The following UBAP2 variants were observed in gnomAD, a reference collection of about 807,000 sequenced individuals.
UBAP2 encodes the protein ubiquitin-associated protein 2.
A neutral mutation model predicts 139.6 loss-of-function variants in UBAP2; 75 were observed. The observed-to-expected ratio is 0.54, with a 90% CI of 0.45 to 0.65. The LOEUF (loss-of-function observed/expected upper bound fraction) is 0.65, where lower values mean the gene tolerates loss of function less well. UBAP2 is among the 30% of genes least tolerant of loss of function. The probability of loss-of-function intolerance (pLI) is 0.00; values close to 1 mark genes in which losing one functional copy is unlikely to be tolerated. For missense variants in UBAP2, 1,368 were observed against 1,369.6 expected (o/e 1.00, Z 0.02); for synonymous variants, 526 against 526.2 (o/e 1.00, Z 0.01).
rs1353156075 is a variant in UBAP2 at position 33,998,782 on chromosome 9, C to T, written c.177+5G>A. 3.7e-6 allele frequency: 6 copies of T among 1,609,692 alleles called. No homozygotes were observed. The highest frequency in any genetic ancestry group is 5.1e-6 in the Non-Finnish European group (6 of 1,178,268). On this transcript the variant is annotated splice_donor_5th_base_variant and intron_variant, in intron 3 of 28. Coordinates refer to ENST00000379238, the MANE Select transcript of UBAP2 (RefSeq NM_001370062.2). ...AAATGATGATATCCTTTGCCAGAAA[C>T]ATACCTGCTTAACTTTAGCTTCAAA...
intron 8 of UBAP2, among the ~76,000 whole-genome samples, chr9:33,969,589 G>A (rs934940468): frequency 1.3e-5 from 2 of 151,428 alleles, no homozygotes; most frequent in Non-Finnish European, 2.9e-5. Context: ...AAAGAAGGTG[G>A]GGCACGGTGG....
intron 26 of UBAP2, 63 bp from the exon 27 acceptor site, chr9:33,923,096 G>C (rs1227757900): frequency 6.2e-7 from 1 of 1,612,714 alleles, no homozygotes; most frequent in Non-Finnish European, 8.5e-7. Flanking sequence ...CCCACCTCCA[G>C]GATCACTCAG....
intron 2 of UBAP2, among the ~76,000 whole-genome samples, chr9:34,016,393 GT>G (rs1824345683): frequency 6.7e-6 from 1 of 148,692 alleles, no homozygotes; most frequent in Non-Finnish European, 1.5e-5. Flanking sequence ...GGTGGTGGTG[GT>G]GGTGGTGGTG....
chr9:34,000,743 T>C (rs1822628745), intron 2 of UBAP2, among the ~76,000 whole-genome samples: 1 of 152,102 alleles, frequency 6.6e-6, no homozygotes, highest in Non-Finnish European at 1.5e-5. Flanking sequence ...TAAGTGGGAG[T>C]TGTTGACATT....
chr9:34,015,249 A>G (rs772974095), intron 2 of UBAP2, among the ~76,000 whole-genome samples: 2 of 152,178 alleles, frequency 1.3e-5, no homozygotes, highest in African/African-American at 2.4e-5. Context: ...CACTTATCTC[A>G]CTTCACTTAA....
chr9:33,959,939 TTTTG>T (rs1380901111), intron 10 of UBAP2, among the ~76,000 whole-genome samples: 2 of 151,912 alleles, frequency 1.3e-5, no homozygotes, highest in East Asian at 3.9e-4. Flanking sequence ...ACCTGGTAAA[TTTTG>T]TTTGTTTGCT....
intron 2 of UBAP2, among the ~76,000 whole-genome samples, chr9:34,007,739 C>T (rs1350230701): frequency 6.6e-6 from 1 of 151,126 alleles, no homozygotes; most frequent in African/African-American, 2.4e-5. Flanking sequence ...CCCCGATTCA[C>T]GCCATTCTCC....
Position 34,035,514 on chromosome 9 carries a change from A to AAAAAAAAAAAATAT in UBAP2, c.-42+13310_-42+13311insATATTTTTTTTTTT. On this transcript the variant is annotated intron_variant, in intron 1 of 28. Coordinates refer to ENST00000379238, the MANE Select transcript of UBAP2 (RefSeq NM_001370062.2). ...GAGACTCCATCTAAAAAAAAAAAAA[A>AAAAAAAAAAAATAT]ATATATATATATAAAGATTAGCCAG... is the stretch of plus-strand genomic sequence containing the variant. Among the ~76,000 whole-genome samples, 7 of 22,490 alleles carry AAAAAAAAAAAATAT rather than the reference A, an allele frequency of 3.1e-4. 1 individual carries two copies. The highest frequency in any genetic ancestry group is 4.9e-4 in the Non-Finnish European group (5 of 10,250). 14.8% of individuals were successfully genotyped at this position (22,490 alleles called of 152,430 possible).
In UBAP2 at chr9:33,926,498, G is replaced by T. The variant is rs914604; in HGVS notation, c.2511+119C>A. On this transcript the variant is annotated intron_variant, in intron 22 of 28. Transcript: ENST00000379238. ...AAACAGCTTTCTCAGTAGTGGTGCT[G>T]AGAGGTTCCTCAGGCAGAGGATCCT... is the stretch of plus-strand genomic sequence containing the variant. 15,486 of 1,111,838 alleles carry T rather than the reference G, an allele frequency of 0.014. 1,458 individuals carry two copies. In the African/African-American group the frequency reaches 0.2, roughly 15 times the overall value. 68.9% of individuals were successfully genotyped at this position (1,111,838 alleles called of 1,614,324 possible).
At chr9:34,003,865 A>C (rs1258450459) in intron 2 of UBAP2, among the ~76,000 whole-genome samples, 1 of 152,048 alleles carries the variant, frequency 6.6e-6, no homozygotes, top group African/African-American at 2.4e-5. Context: ...GATTACAGGC[A>C]CATGCCACAA....
chr9:33,951,990 T>C (rs1480180424), intron 12 of UBAP2, among the ~76,000 whole-genome samples: 2 of 152,118 alleles, frequency 1.3e-5, no homozygotes, highest in East Asian at 3.8e-4. Context: ...CCACCTCATA[T>C]ACCAATGATA....
intron 6 of UBAP2, among the ~76,000 whole-genome samples, chr9:33,982,691 T>C (rs1564045807): frequency 6.6e-6 from 1 of 152,284 alleles, no homozygotes; most frequent in African/African-American, 2.4e-5. Flanking sequence ...TCTAGCATAC[T>C]TGCGATTAAG....
At chr9:34,003,702 C>T (rs1367783689) in intron 2 of UBAP2, among the ~76,000 whole-genome samples, 3 of 151,746 alleles carry the variant, frequency 2.0e-5, no homozygotes, top group Non-Finnish European at 2.9e-5. Context: ...CCACCACACA[C>T]GGCCAAAGAA....
At chr9:33,990,289 T>G (rs186549882) in intron 4 of UBAP2, among the ~76,000 whole-genome samples, 1 of 152,120 alleles carries the variant, frequency 6.6e-6, no homozygotes, top group African/African-American at 2.4e-5. Context: ...AAAACAAAAT[T>G]TGACATTATA....
At chr9:34,040,323 CAAAAAAAAAAAA>C (rs56317641) in intron 1 of UBAP2, among the ~76,000 whole-genome samples, 5 of 88,866 alleles carry the variant, frequency 5.6e-5, no homozygotes, top group African/African-American at 2.3e-4. Flanking sequence ...GACTCTGTCT[CAAAAAAAAAAAA>C]AAAAAAAAAA....
At chr9:34,026,473 G>GTCT (rs1160353537) in intron 1 of UBAP2, among the ~76,000 whole-genome samples, 1 of 152,154 alleles carries the variant, frequency 6.6e-6, no homozygotes. Flanking sequence ...AAAGAAGCAA[G>GTCT]TCTTCATCAA....
chr9:34,004,508 C>A (rs1230506864), intron 2 of UBAP2, among the ~76,000 whole-genome samples: 8 of 151,568 alleles, frequency 5.3e-5, no homozygotes, highest in African/African-American at 1.5e-4. Context: ...AAAGGCTGGG[C>A]GCAGTGGCTC....
At position 33,988,284 on chromosome 9, in the gene UBAP2, TACTC is replaced by T. The variant is rs371610033; in HGVS notation, c.442+685_442+688del. On this transcript the variant is annotated intron_variant, in intron 5 of 28. Coordinates refer to ENST00000379238, the MANE Select transcript of UBAP2 (RefSeq NM_001370062.2). ...ATAAAAGTATCCACTACATAGTAGA[TACTC>T]AATAAATATCAGTGGAATATATGAG... 3.7e-3 allele frequency among the ~76,000 whole-genome samples: 561 copies of T among 152,338 alleles called. 1 individual carries two copies. Among genetic ancestry groups the T allele is most frequent in the African/African-American group, 0.013 (535 of 41,590 alleles).
rs980234575 is a variant in UBAP2, at chr9:34,030,754, G to A, written c.-41-13565C>T. Among the ~76,000 whole-genome samples the A allele has an allele frequency of 2.6e-5, 4 of 151,926 alleles. No homozygotes were observed. In the East Asian group the frequency reaches 5.9e-4, roughly 22 times the overall value. ...ATCCTGACTAACATGGTGAAACCCCGTCTCTACTAAAAGTATTTTTAAAAA... is the reference window on the plus strand; with the variant it reads ...ATCCTGACTAACATGGTGAAACCCCATCTCTACTAAAAGTATTTTTAAAAA... On this transcript the variant is annotated intron_variant, in intron 1 of 28. Coordinates refer to ENST00000379238, the MANE Select transcript of UBAP2 (RefSeq NM_001370062.2).
Sources: gnomAD v4.1 joint callset for allele counts (sites outside exome capture counted in the v4.1 genomes callset) on GRCh38, gnomAD v4.1.1 for gene constraint, MANE v1.5 for transcripts, NCBI Gene and HGNC (gene_info 2026-07-23, HGNC 2026-07-21) for gene names.